GSAP: variants seen among roughly 807,000 people sequenced by gnomAD.
GSAP encodes gamma-secretase-activating protein.
Under a neutral mutation model 131.7 loss-of-function variants are expected in GSAP, and 118 were observed. The observed-to-expected ratio is 0.90, with a 90% confidence interval of 0.77 to 1.04. The LOEUF (loss-of-function observed/expected upper bound fraction) is 1.04. GSAP is among the 50% of genes least tolerant of loss of function. The pLI, the probability that GSAP is intolerant of heterozygous loss-of-function variation, is 0.00. For missense variants in GSAP, 1,019 were observed against 1,013.2 expected (o/e 1.01, Z -0.08); for synonymous variants, 381 against 363.4 (o/e 1.05, Z -0.55).
intron 5 of GSAP, among the ~76,000 whole-genome samples, chr7:77,395,170 T>G (rs1328002567): frequency 6.6e-6 from 1 of 151,968 alleles, no homozygotes; most frequent in Admixed American, 6.6e-5. Context: ...TGGTGAACAA[T>G]AGACAGATGT....
intron 18 of GSAP, among the ~76,000 whole-genome samples, chr7:77,352,126 G>A (rs2150846803): frequency 6.6e-6 from 1 of 152,252 alleles, no homozygotes; most frequent in East Asian, 1.9e-4. Flanking sequence ...AAACACACTT[G>A]ATACATCTTT....
intron 8 of GSAP, among the ~76,000 whole-genome samples, chr7:77,380,724 T>C (rs147288067): frequency 2.7e-3 from 403 of 151,570 alleles, no homozygotes; most frequent in African/African-American, 9.4e-3. Context: ...AAAAAGTACA[T>C]GTGGAAAACA....
chr7:77,355,786 C>A, intron 14 of GSAP, 139 bp from the exon 15 acceptor site: 4 of 305,316 alleles, frequency 1.3e-5, no homozygotes, highest in Non-Finnish European at 2.2e-5. Context: ...AATGACAGCC[C>A]GTTTTTTTTT....
At chr7:77,379,508 T>G (rs1467266728) in intron 8 of GSAP, among the ~76,000 whole-genome samples, 4 of 152,092 alleles carry the variant, frequency 2.6e-5, no homozygotes, top group East Asian at 1.9e-4. Context: ...CCATCCTGAA[T>G]TGCAGAATCT....
chr7:77,359,096 G>A lies in GSAP; in HGVS notation c.1027+1728C>T, dbSNP rs185622089. 7.2e-5 allele frequency among the ~76,000 whole-genome samples: 11 copies of A among 152,208 alleles called. No homozygotes were observed. In the East Asian group the frequency reaches 2.1e-3, roughly 29 times the overall value. On this transcript the variant is annotated intron_variant, in intron 14 of 30. Transcript: ENST00000257626. ...CAGCTACTTGGGAGGCTGAGGCAGA[G>A]GTGGAGGTTGCAGTGGGAACCTTGA...
At chr7:77,339,150 G>A (rs946035645) in intron 19 of GSAP, among the ~76,000 whole-genome samples, 6 of 152,186 alleles carry the variant, frequency 3.9e-5, no homozygotes, top group African/African-American at 1.2e-4. Flanking sequence ...ACTAGGGAGA[G>A]AGGAGCTGAG....
intron 8 of GSAP, chr7:77,379,812 C>T (rs977518853): frequency 2.0e-5 from 19 of 964,698 alleles, no homozygotes; most frequent in Middle Eastern, 5.3e-4. Flanking sequence ...TTAGCCCCTG[C>T]GGGACAATGG....
chr7:77,370,152 A>G (rs1264239677), intron 12 of GSAP, among the ~76,000 whole-genome samples: 1 of 152,196 alleles, frequency 6.6e-6, no homozygotes, highest in African/African-American at 2.4e-5. Flanking sequence ...TTCATATCCA[A>G]TAGATTTAAA....
chr7:77,344,907 G>T (rs749573946), intron 19 of GSAP, among the ~76,000 whole-genome samples: 1 of 151,818 alleles, frequency 6.6e-6, no homozygotes, highest in Non-Finnish European at 1.5e-5. Context: ...CTCCAAAATC[G>T]CTGAGGCCTC....
intron 5 of GSAP, 146 bp from the exon 6 acceptor site, chr7:77,387,594 T>C: frequency 1.7e-6 from 1 of 599,598 alleles, no homozygotes; most frequent in Admixed American, 2.8e-5. Flanking sequence ...CCTAGAGTCC[T>C]GTGAGGAGAC....
chr7:77,377,406 A>C lies in GSAP; in HGVS notation c.577-16T>G. ...TTTTAATCACCTAAAAATGCAAAAA[A>C]AAAAAAAAAAAAAAAAGTATGAATA... On this transcript the variant is annotated splice_polypyrimidine_tract_variant and intron_variant, in intron 8 of 30. Coordinates refer to ENST00000257626, the MANE Select transcript of GSAP (RefSeq NM_017439.4). The C allele has an allele frequency of 8.3e-7, 1 of 1,199,284 alleles. No homozygotes were observed. The allele number at this position is 1,199,284 out of a possible 1,614,324, so 74.3% of individuals were successfully genotyped here.
intron 19 of GSAP, among the ~76,000 whole-genome samples, chr7:77,344,930 GCAA>G (rs1160182446): frequency 8.6e-5 from 13 of 151,888 alleles, no homozygotes; most frequent in East Asian, 1.9e-4. Flanking sequence ...CTTACTCACT[GCAA>G]CAACAACAAC....
At chr7:77,336,818 A>C (rs1713968587) in intron 19 of GSAP, among the ~76,000 whole-genome samples, 1 of 152,044 alleles carries the variant, frequency 6.6e-6, no homozygotes, top group African/African-American at 2.4e-5. Context: ...AATCTATGCT[A>C]ATCTACCTCT....
Position 77,414,844 on chromosome 7 carries a change from CTTTTTTTTTT to C in GSAP, c.109+1359_109+1368del, listed in dbSNP as rs57095326. On this transcript the variant is annotated intron_variant, in intron 1 of 30. Transcript: ENST00000257626. The stretch of plus-strand genomic sequence containing the variant: ...AAAAACTTTTCAGACATGTGGGCGA[CTTTTTTTTTT>C]TTTTTTTTTTTTTTTTTTTTTGAGA... Among the ~76,000 whole-genome samples the C allele has an allele frequency of 2.8e-3, 165 of 59,882 alleles. 3 individuals are homozygous for C. Among genetic ancestry groups the C allele is most frequent in the Middle Eastern group, 0.012 (1 of 86 alleles). The allele number at this position is 59,882 out of a possible 152,430, so 39.3% of individuals were successfully genotyped here.
At position 77,346,067 on chromosome 7, in the gene GSAP, C is replaced by T. The variant is rs568045475; in HGVS notation, c.1545+3284G>A. Among the ~76,000 whole-genome samples the T allele has an allele frequency of 2.7e-4, 40 of 149,928 alleles. No individual in the cohort carries two copies. The South Asian group carries it at 8.0e-3, about 30-fold the overall frequency. On this transcript the variant is annotated intron_variant, in intron 19 of 30. Coordinates refer to ENST00000257626, the MANE Select transcript of GSAP (RefSeq NM_017439.4). ...GGCAGATCACCTGAGGTCAGGAGTT[C>T]GAGACCAGCCTGACCAACATGGTGA...
intron 12 of GSAP, among the ~76,000 whole-genome samples, chr7:77,365,460 C>T (rs1335321777): frequency 6.6e-6 from 1 of 152,148 alleles, no homozygotes; most frequent in East Asian, 1.9e-4. Flanking sequence ...TTAGCTCCTA[C>T]CTGTAAGTGA....
intron 6 of GSAP, among the ~76,000 whole-genome samples, chr7:77,383,096 AG>A (rs1490568201): frequency 1.3e-5 from 2 of 152,134 alleles, no homozygotes; most frequent in Admixed American, 6.6e-5. Context: ...TTGAAGTGGG[AG>A]GATCACTTGA....
chr7:77,317,599 C>G (rs545906693), intron 26 of GSAP, among the ~76,000 whole-genome samples: 2 of 152,174 alleles, frequency 1.3e-5, no homozygotes, highest in East Asian at 3.9e-4. Flanking sequence ...TAATAATTCT[C>G]GATCACTATG....
At chr7:77,371,203 C>A (rs767810068) in intron 12 of GSAP, among the ~76,000 whole-genome samples, 1 of 152,238 alleles carries the variant, frequency 6.6e-6, no homozygotes, top group South Asian at 2.1e-4. Context: ...CCTCAGTAAA[C>A]GACACTACTG....
Sources: gnomAD v4.1 joint callset for allele counts (sites outside exome capture counted in the v4.1 genomes callset) on GRCh38, gnomAD v4.1.1 for gene constraint, MANE v1.5 for transcripts, NCBI Gene and HGNC (gene_info 2026-07-23, HGNC 2026-07-21) for gene names.